Variants in ILDR2 observed in about 807,000 individuals in gnomAD.
ILDR2 encodes immunoglobulin like domain containing receptor 2.
In ILDR2, 25 loss-of-function variants were observed where a neutral mutation model predicts 66.8. The observed-to-expected ratio is 0.37, with a 90% confidence interval of 0.27 to 0.52. The LOEUF is 0.52. Ranked by LOEUF, ILDR2 falls within the 20% of genes least tolerant of loss-of-function variation. ILDR2 has a pLI of 0.88. For missense variants in ILDR2, 827 were observed against 876.8 expected, an observed-to-expected ratio of 0.94 and a Z score of 0.72; for synonymous variants, 367 against 357.2, an observed-to-expected ratio of 1.03 and a Z score of -0.31.
At chr1:166,958,978 C>T (rs1662448361) in intron 1 of ILDR2, among the ~76,000 whole-genome samples, 1 of 152,090 alleles carries the variant, frequency 6.6e-6, no homozygotes, top group East Asian at 1.9e-4. Flanking sequence ...TTCCTCTTAC[C>T]GCCTCAGCCT....
intron 1 of ILDR2, among the ~76,000 whole-genome samples, chr1:166,958,422 T>G (rs1208147122): frequency 2.0e-5 from 3 of 152,086 alleles, no homozygotes; most frequent in African/African-American, 7.2e-5. Flanking sequence ...TCTGATGGTT[T>G]AAAAGTGTGT....
At position 166,916,391 on chromosome 1, in the gene ILDR2, G is replaced by A. The variant is rs2101837126; in HGVS notation, c.*2964C>T. ...TCCATAGCACTATTTCATACTCTAT[G>A]TATAAAATCTCCTTTCTTGAGCATG... On this transcript the variant is annotated 3_prime_UTR_variant, in exon 10 of 10. Transcript: ENST00000271417. 1 of 152,308 alleles carries A rather than the reference G, an allele frequency of 6.6e-6. No individual in the cohort carries two copies. The highest frequency in any genetic ancestry group is 2.1e-4 in the South Asian group (1 of 4,820). 9.4% of individuals were successfully genotyped at this position (152,308 alleles called of 1,614,324 possible).
chr1:166,956,492 G>A (rs1306890330), intron 3 of ILDR2, among the ~76,000 whole-genome samples: 5 of 144,676 alleles, frequency 3.5e-5, no homozygotes, highest in Admixed American at 2.9e-4. Flanking sequence ...GAAGAAAGCA[G>A]AAGAAATATT....
chr1:166,939,094 T>A (rs1448330019), intron 4 of ILDR2, among the ~76,000 whole-genome samples: 1 of 152,204 alleles, frequency 6.6e-6, no homozygotes, highest in Non-Finnish European at 1.5e-5. Context: ...AAAAGTTTGA[T>A]GATGTTATAA....
At chr1:166,905,189 T>C (rs1391598694), downstream of ILDR2, among the ~76,000 whole-genome samples, 1 of 152,208 alleles carries the variant, frequency 6.6e-6, no homozygotes, top group Non-Finnish European at 1.5e-5. Flanking sequence ...CTATTTTTTT[T>C]CCTCTCCAAA....
At position 166,908,854 on chromosome 1, in the gene ILDR2, T is replaced by C. The variant is rs943268277; in HGVS notation, c.*10501A>G. ...TCCCTGAAGCCTTGGGTTGGAATAA[T>C]ACGTGTGAGGGAATTGGCAACAAAA... is the stretch of plus-strand genomic sequence containing the variant. On this transcript the variant is annotated 3_prime_UTR_variant, in exon 10 of 10. Coordinates refer to ENST00000271417, the MANE Select transcript of ILDR2 (RefSeq NM_199351.3). 4 of 152,208 alleles carry C rather than the reference T, an allele frequency of 2.6e-5. No homozygotes were observed. Among genetic ancestry groups the C allele is most frequent in the African/African-American group, 9.7e-5 (4 of 41,436 alleles). 9.4% of individuals were successfully genotyped at this position (152,208 alleles called of 1,614,324 possible).
downstream of ILDR2, chr1:166,907,038 C>T (rs530216873): frequency 6.6e-6 from 1 of 152,340 alleles, no homozygotes; most frequent in African/African-American, 2.4e-5. Flanking sequence ...TAAGTAGCTC[C>T]CTTTCACCAC....
rs188698944 is a variant in ILDR2 at position 166,912,659 on chromosome 1, A to G, written c.*6696T>C. ...AACAGATTTTCTGCTTGACAAGGCC[A>G]CTAAAATCTGGAATTCCCTTGAGAG... On this transcript the variant is annotated 3_prime_UTR_variant, in exon 10 of 10. Coordinates refer to ENST00000271417, the MANE Select transcript of ILDR2 (RefSeq NM_199351.3). The G allele has an allele frequency of 6.6e-6, 1 of 152,212 alleles. No homozygotes were observed. Among genetic ancestry groups the G allele is most frequent in the Non-Finnish European group, 1.5e-5 (1 of 68,038 alleles). The allele number at this position is 152,212 out of a possible 1,614,324, so 9.4% of individuals were successfully genotyped here. A position where few individuals can be genotyped will look rare whatever the true frequency, so the allele number is the denominator to read the frequency against.
chr1:166,961,879 T>C (rs1241689961), intron 1 of ILDR2, among the ~76,000 whole-genome samples: 1 of 152,190 alleles, frequency 6.6e-6, no homozygotes, highest in Non-Finnish European at 1.5e-5. Context: ...TGCCTGGGTA[T>C]GCTCCTCACT....
At position 166,975,301 on chromosome 1, in the gene ILDR2, A is replaced by G. The variant is rs1192661429; in HGVS notation, c.-33T>C. 2 of 1,606,486 alleles carry G rather than the reference A, an allele frequency of 1.2e-6. No individual in the cohort carries two copies. The highest frequency in any genetic ancestry group is 8.5e-7 in the Non-Finnish European group (1 of 1,173,830). On this transcript the variant is annotated 5_prime_UTR_variant, in exon 1 of 10. Coordinates refer to ENST00000271417, the MANE Select transcript of ILDR2 (RefSeq NM_199351.3). ...AACTTCCCAGCCGAATTACGGAGTG[A>G]GGAAAGTGGGAAATGGCTGGAACAG...
chr1:166,904,449 C>A (rs1246956182), downstream of ILDR2, among the ~76,000 whole-genome samples: 1 of 152,224 alleles, frequency 6.6e-6, no homozygotes, highest in Non-Finnish European at 1.5e-5. Context: ...ATCTACACTT[C>A]TTGTTCATTG....
chr1:166,961,569 AT>A (rs1274485958), intron 1 of ILDR2, among the ~76,000 whole-genome samples: 1 of 152,230 alleles, frequency 6.6e-6, no homozygotes, highest in Non-Finnish European at 1.5e-5. Flanking sequence ...CTCAACTCTG[AT>A]GAGTTTCAGT....
chr1:166,898,275 T>C (rs1336820201), intron 2 of ILDR2, among the ~76,000 whole-genome samples: 1 of 152,156 alleles, frequency 6.6e-6, no homozygotes, highest in Admixed American at 6.5e-5. Flanking sequence ...CTTAGAAGTG[T>C]TCCACATACA....
intron 1 of ILDR2, among the ~76,000 whole-genome samples, chr1:166,970,679 A>G (rs1365465987): frequency 2.0e-5 from 3 of 152,188 alleles, no homozygotes; most frequent in Non-Finnish European, 4.4e-5. Flanking sequence ...GTAGTGCAAG[A>G]CTACTCATAC....
chr1:166,955,305 T>A (rs578207179), intron 3 of ILDR2, among the ~76,000 whole-genome samples: 1 of 152,244 alleles, frequency 6.6e-6, no homozygotes, highest in South Asian at 2.1e-4. Context: ...TTAATCCAAT[T>A]TACAAAATAT....
intron 3 of ILDR2, among the ~76,000 whole-genome samples, chr1:166,948,274 C>T (rs1661758863): frequency 6.6e-6 from 1 of 152,184 alleles, no homozygotes; most frequent in Non-Finnish European, 1.5e-5. Flanking sequence ...TACCAGTTGG[C>T]CTAGACAGTT....
intron 1 of ILDR2, among the ~76,000 whole-genome samples, chr1:166,968,746 AC>A (rs1204245276): frequency 6.6e-6 from 1 of 151,768 alleles, no homozygotes; most frequent in Non-Finnish European, 1.5e-5. Flanking sequence ...CCTTGCCCTG[AC>A]CCCCTTGAGC....
chr1:166,927,667 T>A (rs191972870), intron 6 of ILDR2, among the ~76,000 whole-genome samples: 12 of 152,326 alleles, frequency 7.9e-5, no homozygotes, highest in Admixed American at 5.9e-4. Flanking sequence ...AAGCTTTGAG[T>A]TGCCTAGGAG....
Position 166,958,003 on chromosome 1 carries a change from G to A in ILDR2, c.145C>T (p.His49Tyr), listed in dbSNP as rs756910329. 5.6e-6 allele frequency: 9 copies of A among 1,614,046 alleles called. No individual in the cohort carries two copies. The African/African-American group carries it at 1.1e-4, about 19-fold the overall frequency. The change falls in exon 2 of 10, where the codon CAT becomes TAT. Residue 49 changes from histidine (H) to tyrosine (Y), a missense_variant. Around this residue, in one of 2 missense-constraint regions of ILDR2, gnomAD observed 437 missense variants for 523.2 expected, o/e 0.84. Transcript: ENST00000271417. ...VLRCHFSTSS[H>Y]QPAVVQWKFK... ...TTCCACTGCACAACTGCAGGCTGAT[G>A]GGAGGATGTTGAGAAGTGGCAGCGA...
Sources: gnomAD v4.1 joint callset for allele counts (sites outside exome capture counted in the v4.1 genomes callset) on GRCh38, gnomAD v4.1.1 for gene constraint, gnomAD v4.1.1 regional missense constraint, MANE v1.5 for transcripts, NCBI Gene and HGNC (gene_info 2026-07-23, HGNC 2026-07-21) for gene names.